The following PLD5 variants were observed in gnomAD, a reference collection of about 807,000 sequenced individuals.
The protein encoded by PLD5 is phospholipase D family member 5, also known as inactive phospholipase D5.
Under a neutral mutation model 61.1 loss-of-function variants are expected in PLD5, and 36 were observed. The ratio of observed to expected loss-of-function variants is 0.59; its 90% CI spans 0.45 to 0.78. The LOEUF (loss-of-function observed/expected upper bound fraction) is 0.78. Among genes scored for constraint, PLD5 ranks in the 30% least tolerant of loss-of-function variants. The pLI is 0.00. For synonymous variants in PLD5, 243 were observed against 242.8 expected (o/e 1.00, Z -0.01); for missense variants, 515 against 644.4 (o/e 0.80, Z 2.17).
chr1:242,157,481 A>T lies in PLD5; in HGVS notation c.736-32816T>A, dbSNP rs538191618. 6.6e-5 allele frequency among the ~76,000 whole-genome samples: 10 copies of T among 152,184 alleles called. No homozygotes were observed. The South Asian group carries it at 2.1e-3, about 32-fold the overall frequency. On this transcript the variant is annotated intron_variant, in intron 5 of 9. Transcript: ENST00000536534. The stretch of plus-strand genomic sequence containing the variant: ...GCCTTTTTGGACTGGTTTCTTCCAA[A>T]CTTGGTGGATTTATCTAACTTTGGT...
chr1:242,249,323 C>A (rs1393534711), intron 4 of PLD5, among the ~76,000 whole-genome samples: 34 of 152,308 alleles, frequency 2.2e-4, no homozygotes, highest in Admixed American at 2.1e-3. Flanking sequence ...AGGTCCTCAC[C>A]AGATGCCAGC....
intron 8 of PLD5, among the ~76,000 whole-genome samples, chr1:242,105,470 T>C (rs1197821707): frequency 6.6e-6 from 1 of 152,216 alleles, no homozygotes; most frequent in Non-Finnish European, 1.5e-5. Context: ...GTGATTCACC[T>C]GCCTTGGCCT....
At chr1:242,093,930 A>G (rs1660033963) in intron 9 of PLD5, among the ~76,000 whole-genome samples, 1 of 151,946 alleles carries the variant, frequency 6.6e-6, no homozygotes, top group African/African-American at 2.4e-5. Context: ...CAGCATCTTT[A>G]CTGATGCTCA....
At chr1:242,393,294 A>G (rs2149266546) in intron 1 of PLD5, among the ~76,000 whole-genome samples, 1 of 36,116 alleles carries the variant, frequency 2.8e-5, no homozygotes, top group Non-Finnish European at 4.7e-5. Context: ...GTGTATATAT[A>G]TGAGTATATA....
intron 1 of PLD5, among the ~76,000 whole-genome samples, chr1:242,453,151 C>G (rs10926741): frequency 0.02 from 3,098 of 152,234 alleles, 105 homozygotes; most frequent in African/African-American, 0.07. Flanking sequence ...GAGAGGAGCC[C>G]TCATGAACGG....
intron 1 of PLD5, among the ~76,000 whole-genome samples, chr1:242,387,410 A>G (rs926759421): frequency 7.2e-5 from 11 of 152,312 alleles, no homozygotes; most frequent in East Asian, 1.9e-4. Flanking sequence ...AAATATGCCA[A>G]TGGAACAGAA....
At chr1:242,337,122 T>A (rs1659561360) in intron 2 of PLD5, among the ~76,000 whole-genome samples, 1 of 151,824 alleles carries the variant, frequency 6.6e-6, no homozygotes, top group African/African-American at 2.4e-5. Context: ...CACCTTGACC[T>A]CTGCTGCCCA....
At position 242,087,191 on chromosome 1, in the gene PLD5, C is replaced by T. The variant is rs764005341; in HGVS notation, c.*2663G>A. ...GCTGCCACAGAAGGACAGTGTGGCC[C>T]CATGGAGTCACCACCGCTGCCCAGA... is the stretch of plus-strand genomic sequence containing the variant. On this transcript the variant is annotated 3_prime_UTR_variant, in exon 10 of 10. Transcript: ENST00000536534. 2 of 152,108 alleles carry T rather than the reference C, an allele frequency of 1.3e-5. No homozygotes were observed. Among genetic ancestry groups the T allele is most frequent in the African/African-American group, 2.4e-5 (1 of 41,414 alleles). The allele number at this position is 152,108 out of a possible 1,614,324, so 9.4% of individuals were successfully genotyped here. A position where few individuals can be genotyped will look rare whatever the true frequency, so the allele number is the denominator to read the frequency against.
intron 5 of PLD5, among the ~76,000 whole-genome samples, chr1:242,153,584 T>A (rs904826784): frequency 2.3e-4 from 35 of 152,170 alleles, no homozygotes; most frequent in Admixed American, 2.2e-3. Context: ...TAGCCAGTTT[T>A]CCCAGCACCA....
intron 3 of PLD5, among the ~76,000 whole-genome samples, chr1:242,283,789 C>T (rs1674856921): frequency 6.6e-6 from 1 of 152,024 alleles, no homozygotes; most frequent in Admixed American, 6.6e-5. Context: ...ACACACAAGT[C>T]CAAAGACTGC....
intron 2 of PLD5, among the ~76,000 whole-genome samples, chr1:242,320,804 C>T (rs1178824638): frequency 1.3e-5 from 2 of 152,274 alleles, no homozygotes; most frequent in East Asian, 3.9e-4. Context: ...AGGTCCCACT[C>T]CCACAGGTTG....
At chr1:242,285,883 G>A (rs1182214664) in intron 3 of PLD5, among the ~76,000 whole-genome samples, 1 of 152,128 alleles carries the variant, frequency 6.6e-6, no homozygotes, top group African/African-American at 2.4e-5. Flanking sequence ...CAAGGCGGGT[G>A]GATCACTTGA....
chr1:242,384,142 CAG>C (rs1662462555), intron 1 of PLD5, among the ~76,000 whole-genome samples: 1 of 152,230 alleles, frequency 6.6e-6, no homozygotes, highest in African/African-American at 2.4e-5. Context: ...TCAGGATCAC[CAG>C]AGTCTTTCCA....
At chr1:242,449,066 G>A (rs999215940) in intron 1 of PLD5, among the ~76,000 whole-genome samples, 3 of 152,194 alleles carry the variant, frequency 2.0e-5, no homozygotes, top group Non-Finnish European at 4.4e-5. Context: ...GCATTAATCG[G>A]GGTTTACATC....
At chr1:242,212,920 G>T (rs770338342) in intron 5 of PLD5, among the ~76,000 whole-genome samples, 1 of 152,180 alleles carries the variant, frequency 6.6e-6, no homozygotes, top group Non-Finnish European at 1.5e-5. Flanking sequence ...TGAAGGGAGA[G>T]AAATTACAGA....
At chr1:242,356,867 A>G (rs1187069438) in intron 1 of PLD5, among the ~76,000 whole-genome samples, 1 of 152,104 alleles carries the variant, frequency 6.6e-6, no homozygotes, top group Non-Finnish European at 1.5e-5. Context: ...TTAACATTTT[A>G]TAATATATAT....
intron 1 of PLD5, among the ~76,000 whole-genome samples, chr1:242,395,221 T>C (rs1663501331): frequency 6.6e-6 from 1 of 151,778 alleles, no homozygotes; most frequent in Non-Finnish European, 1.5e-5. Context: ...ATTTTTAAAG[T>C]TTTACTTCAT....
At chr1:242,227,933 T>C (rs965732192) in intron 4 of PLD5, among the ~76,000 whole-genome samples, 1 of 152,228 alleles carries the variant, frequency 6.6e-6, no homozygotes, top group Non-Finnish European at 1.5e-5. Context: ...CCCATTCCCA[T>C]GTAAAATTGC....
chr1:242,361,273 A>C lies in PLD5; in HGVS notation c.190-13031T>G, dbSNP rs191177430. On this transcript the variant is annotated intron_variant, in intron 1 of 9. Coordinates refer to ENST00000536534, the MANE Select transcript of PLD5 (RefSeq NM_001372062.1). ...AATTCAGACTCTGATATTCATTTTT[A>C]AATATCTCCTTGGAACAATGTACTA... is the stretch of plus-strand genomic sequence containing the variant. 1.2e-3 allele frequency among the ~76,000 whole-genome samples: 182 copies of C among 152,320 alleles called. 1 individual carries two copies. The highest frequency in any genetic ancestry group is 4.2e-3 in the African/African-American group (173 of 41,584).
Sources: allele counts gnomAD v4.1 joint callset (sites outside exome capture counted in the v4.1 genomes callset), GRCh38; gene constraint gnomAD v4.1.1; transcripts MANE v1.5; gene names NCBI Gene and HGNC (gene_info 2026-07-23, HGNC 2026-07-21).